LYRM4: variants seen among roughly 807,000 people sequenced by gnomAD.
LYRM4 encodes the protein LYR motif-containing protein 4.
In LYRM4, 9 loss-of-function variants were observed where a neutral mutation model predicts 11.7. The observed-to-expected ratio is 0.77, with a 90% confidence interval of 0.46 to 1.34. The LOEUF (loss-of-function observed/expected upper bound fraction) is 1.34, where lower values mean the gene tolerates loss of function less well. LYRM4 is among the 40% of genes most tolerant of loss of function. The probability of loss-of-function intolerance (pLI) is 0.00; values close to 1 mark genes in which losing one functional copy is unlikely to be tolerated. For synonymous variants in LYRM4, 42 were observed against 40.4 expected (o/e 1.04, Z -0.15); for missense variants, 133 against 112.5 (o/e 1.18, Z -0.82).
At chr6:5,112,358 G>T (rs1561803393) in intron 2 of LYRM4, among the ~76,000 whole-genome samples, 4 of 152,054 alleles carry the variant, frequency 2.6e-5, no homozygotes. Context: ...CTGCTCAGCA[G>T]ATCTGTGATG....
At chr6:5,059,029 C>A in the LYRM4 span, among the ~76,000 whole-genome samples, 1 of 152,176 alleles carries the variant, frequency 6.6e-6, no homozygotes, top group Admixed American at 6.5e-5. Flanking sequence ...CTACTGGCTT[C>A]TTGTGTTTCC....
chr6:5,096,380 C>T, the LYRM4 span, among the ~76,000 whole-genome samples: 1 of 152,004 alleles, frequency 6.6e-6, no homozygotes, highest in African/African-American at 2.4e-5. Context: ...GCCCCAGCTA[C>T]TTGAGAGGCT....
intron 1 of LYRM4, among the ~76,000 whole-genome samples, chr6:5,244,421 T>C (rs1442839054): frequency 6.6e-6 from 1 of 152,134 alleles, no homozygotes; most frequent in African/African-American, 2.4e-5. Flanking sequence ...TGATATGACA[T>C]CTCTGTAATA....
In LYRM4 at chr6:5,142,716, AT is replaced by A. The variant is rs369201638; in HGVS notation, c.208-33226del. On this transcript the variant is annotated intron_variant, in intron 2 of 2. Coordinates refer to ENST00000330636, the MANE Select transcript of LYRM4 (RefSeq NM_020408.6). Reference sequence around the variant, plus strand: ...TTTTCCCCTTAAAACCTGAAACATGATTTTTTCCCTAATGACTTAGCCCTTG... The same window carrying A: ...TTTTCCCCTTAAAACCTGAAACATGATTTTTCCCTAATGACTTAGCCCTTG... Among the ~76,000 whole-genome samples, 929 of 152,200 alleles carry A rather than the reference AT, an allele frequency of 6.1e-3. 7 individuals are homozygous for A. Among genetic ancestry groups the A allele is most frequent in the Middle Eastern group, 0.02 (6 of 294 alleles).
At chr6:5,121,656 C>G (rs570388911) in intron 2 of LYRM4, among the ~76,000 whole-genome samples, 1 of 152,332 alleles carries the variant, frequency 6.6e-6, no homozygotes, top group East Asian at 1.9e-4. Context: ...CCAAACATCA[C>G]GTCAGAGGAA....
At chr6:5,132,471 T>A (rs1764001337) in intron 2 of LYRM4, among the ~76,000 whole-genome samples, 1 of 152,214 alleles carries the variant, frequency 6.6e-6, no homozygotes, top group South Asian at 2.1e-4. Context: ...ATGTCTTCTA[T>A]TCTTTCTAAT....
intron 1 of LYRM4, among the ~76,000 whole-genome samples, chr6:5,233,735 C>T (rs1763376071): frequency 6.6e-6 from 1 of 152,234 alleles, no homozygotes; most frequent in Non-Finnish European, 1.5e-5. Context: ...CTCAGCCTCC[C>T]CAGTAGCTGA....
the LYRM4 span, among the ~76,000 whole-genome samples, chr6:5,079,427 G>A: frequency 6.6e-6 from 1 of 152,204 alleles, no homozygotes; most frequent in South Asian, 2.1e-4. Context: ...TAGGTAGAAA[G>A]GGGAAGTCTG....
chr6:5,102,682 A>G (rs1043033144), downstream of LYRM4: 1 of 152,226 alleles, frequency 6.6e-6, no homozygotes, highest in Non-Finnish European at 1.5e-5. Context: ...CTCTCACTGG[A>G]AGTCTTGCAT....
the LYRM4 span, chr6:5,034,768 T>TTTTTTTTTTTTTTTTTTTTTTTG: frequency 7.8e-5 from 1 of 12,804 alleles, no homozygotes; most frequent in African/African-American, 1.5e-4. Context: ...TTTTTTTTTT[T>TTTTTTTTTTTTTTTTTTTTTTTG]TTCAAAAAGC....
chr6:5,200,771 G>T (rs1160834206), intron 2 of LYRM4, among the ~76,000 whole-genome samples: 1 of 152,182 alleles, frequency 6.6e-6, no homozygotes, highest in African/African-American at 2.4e-5. Context: ...ACTGATGCCT[G>T]ACTCCCACAC....
chr6:5,139,759 G>A (rs540030433), intron 2 of LYRM4, among the ~76,000 whole-genome samples: 3 of 151,976 alleles, frequency 2.0e-5, no homozygotes, highest in Admixed American at 6.5e-5. Flanking sequence ...TCCATTTTCC[G>A]TACATCACTT....
At chr6:5,115,157 A>C (rs1383386191) in intron 2 of LYRM4, among the ~76,000 whole-genome samples, 2 of 152,214 alleles carry the variant, frequency 1.3e-5, no homozygotes, top group Admixed American at 6.5e-5. Context: ...TAATGCTAGG[A>C]TTATCATTCT....
At chr6:5,113,879 C>A (rs1051675250) in intron 2 of LYRM4, among the ~76,000 whole-genome samples, 1 of 152,128 alleles carries the variant, frequency 6.6e-6, no homozygotes, top group African/African-American at 2.4e-5. Flanking sequence ...TCAATGATTT[C>A]TTCATAATGC....
chr6:5,231,041 C>T (rs958472286), intron 1 of LYRM4, among the ~76,000 whole-genome samples: 3 of 152,122 alleles, frequency 2.0e-5, no homozygotes, highest in Non-Finnish European at 4.4e-5. Flanking sequence ...CTTTGTGAGG[C>T]TAAGGTAGAT....
the LYRM4 span, among the ~76,000 whole-genome samples, chr6:5,040,371 AC>A: frequency 6.6e-6 from 1 of 151,842 alleles, no homozygotes; most frequent in Non-Finnish European, 1.5e-5. Context: ...ATACATACAT[AC>A]ATACATACAT....
At chr6:5,132,030 G>A (rs1041762546) in intron 2 of LYRM4, among the ~76,000 whole-genome samples, 6 of 152,124 alleles carry the variant, frequency 3.9e-5, no homozygotes, top group East Asian at 1.9e-4. Context: ...GGTTTAACCC[G>A]AAGCAAGTTT....
chr6:5,179,234 TA>T (rs1410321007), intron 2 of LYRM4, among the ~76,000 whole-genome samples: 1 of 152,326 alleles, frequency 6.6e-6, no homozygotes, highest in South Asian at 2.1e-4. Flanking sequence ...ATGTATTTTT[TA>T]AAAAGTGTTT....
downstream of LYRM4, among the ~76,000 whole-genome samples, chr6:5,098,682 C>T (rs979457620): frequency 1.3e-5 from 2 of 152,174 alleles, no homozygotes; most frequent in African/African-American, 2.4e-5. Context: ...TGGGCAGAAC[C>T]GGGTGAGGGA....
Sources: gnomAD v4.1 joint callset for allele counts (sites outside exome capture counted in the v4.1 genomes callset) on GRCh38, gnomAD v4.1.1 for gene constraint, MANE v1.5 for transcripts, NCBI Gene and HGNC (gene_info 2026-07-23, HGNC 2026-07-21) for gene names.